Variants in IL1RAPL1 observed in about 807,000 individuals in gnomAD.
IL1RAPL1 encodes interleukin 1 receptor accessory protein like 1.
IL1RAPL1 carries 3 observed loss-of-function variants against 48.4 expected under a neutral mutation model. That is an observed-to-expected ratio of 0.06 (90% confidence interval 0.03 to 0.16). The LOEUF is 0.16. IL1RAPL1 is among the 10% of genes least tolerant of loss of function. The probability of loss-of-function intolerance (pLI) is 1.00; values close to 1 mark genes in which losing one functional copy is unlikely to be tolerated. For synonymous variants in IL1RAPL1, 185 were observed against 187.7 expected, an observed-to-expected ratio of 0.99 and a Z score of 0.12; for missense variants, 349 against 530.6, an observed-to-expected ratio of 0.66 and a Z score of 3.36.
At chrX:29,559,247 C>G (rs1922104831) in intron 5 of IL1RAPL1, among the ~76,000 whole-genome samples, 1 of 111,822 alleles carries the variant, frequency 8.9e-6, no homozygotes, top group Non-Finnish European at 1.9e-5. Context: ...AATTTTGCAT[C>G]TATGTTCATT....
chrX:29,558,237 G>T lies in IL1RAPL1; in HGVS notation c.704-110193G>T, dbSNP rs557788529. Among the ~76,000 whole-genome samples, 3 of 111,688 alleles carry T rather than the reference G, an allele frequency of 2.7e-5. No homozygotes were observed. In the South Asian group the frequency reaches 1.1e-3, roughly 42 times the overall value. The stretch of plus-strand genomic sequence containing the variant: ...TTTGATAATAGCCATTGTAACAGTT[G>T]TGCAGTGATATCTCATTGTGGTTTT... On this transcript the variant is annotated intron_variant, in intron 5 of 10. Coordinates refer to ENST00000378993, the MANE Select transcript of IL1RAPL1 (RefSeq NM_014271.4).
At chrX:29,079,898 A>G (rs1927762943) in intron 2 of IL1RAPL1, among the ~76,000 whole-genome samples, 1 of 111,276 alleles carries the variant, frequency 9.0e-6, no homozygotes, top group Admixed American at 9.6e-5. Context: ...CAAATAAATA[A>G]AAGTGACTTT....
At chrX:29,654,265 G>A (rs995598326) in intron 5 of IL1RAPL1, among the ~76,000 whole-genome samples, 4 of 111,395 alleles carry the variant, frequency 3.6e-5, no homozygotes, top group African/African-American at 1.3e-4. Context: ...TCATCTCCCA[G>A]TGCAGCCTAA....
intron 3 of IL1RAPL1, among the ~76,000 whole-genome samples, chrX:29,300,706 C>A (rs763489285): frequency 1.3e-4 from 14 of 111,999 alleles, no homozygotes; most frequent in African/African-American, 4.5e-4. Context: ...ATAGCTAGTA[C>A]AAAAGAATAA....
At chrX:29,539,841 T>G (rs1437782165) in intron 5 of IL1RAPL1, among the ~76,000 whole-genome samples, 1 of 111,310 alleles carries the variant, frequency 9.0e-6, no homozygotes, top group Non-Finnish European at 1.9e-5. Flanking sequence ...CTCTTTTCCT[T>G]ATAAATTACC....
chrX:29,076,967 G>T (rs991741531), intron 2 of IL1RAPL1, among the ~76,000 whole-genome samples: 2 of 112,354 alleles, frequency 1.8e-5, no homozygotes, highest in Admixed American at 9.4e-5. Context: ...ATTACTCTGG[G>T]TATTCCATGC....
At chrX:29,507,116 G>A (rs1167049752) in intron 5 of IL1RAPL1, among the ~76,000 whole-genome samples, 1 of 109,617 alleles carries the variant, frequency 9.1e-6, no homozygotes, top group Admixed American at 9.7e-5. Context: ...TAATCTCAGT[G>A]TTGTGCATTT....
intron 2 of IL1RAPL1, among the ~76,000 whole-genome samples, chrX:29,234,910 G>T (rs1931262665): frequency 8.9e-6 from 1 of 112,413 alleles, no homozygotes; most frequent in East Asian, 2.8e-4. Flanking sequence ...TATTATTTAT[G>T]ATTATAACAT....
At chrX:29,571,539 A>AATAG (rs1276524200) in intron 5 of IL1RAPL1, among the ~76,000 whole-genome samples, 2 of 111,713 alleles carry the variant, frequency 1.8e-5, no homozygotes, top group Non-Finnish European at 3.8e-5. Context: ...TTGCTCTTCT[A>AATAG]ATAGATGTCT....
chrX:29,227,277 T>G (rs917153067), intron 2 of IL1RAPL1, among the ~76,000 whole-genome samples: 4 of 109,954 alleles, frequency 3.6e-5, no homozygotes, highest in Non-Finnish European at 5.7e-5. Context: ...TAATAATTAA[T>G]TAGTAGTATT....
At chrX:29,624,192 T>C (rs1924548597) in intron 5 of IL1RAPL1, among the ~76,000 whole-genome samples, 1 of 112,012 alleles carries the variant, frequency 8.9e-6, no homozygotes, top group East Asian at 2.8e-4. Context: ...TGTTAATGCT[T>C]CGGATGGGCA....
intron 5 of IL1RAPL1, among the ~76,000 whole-genome samples, chrX:29,537,244 C>A (rs1921263479): frequency 9.1e-6 from 1 of 110,160 alleles, no homozygotes; most frequent in Non-Finnish European, 1.9e-5. Flanking sequence ...TTCATGGCAC[C>A]CTTTCTTAGA....
intron 1 of IL1RAPL1, among the ~76,000 whole-genome samples, chrX:28,729,955 TCAAAACAAAAAA>T (rs1332406311): frequency 9.0e-6 from 1 of 111,516 alleles, no homozygotes. Context: ...AAGATCCATC[TCAAAACAAAAAA>T]CAAAACAAAA....
At chrX:29,175,612 C>T (rs371011752) in intron 2 of IL1RAPL1, among the ~76,000 whole-genome samples, 1 of 109,260 alleles carries the variant, frequency 9.2e-6, no homozygotes, top group Non-Finnish European at 1.9e-5. Context: ...TTTGGGAGGC[C>T]GAGGCGGGAG....
At chrX:29,195,480 G>T (rs1327336843) in intron 2 of IL1RAPL1, among the ~76,000 whole-genome samples, 1 of 110,572 alleles carries the variant, frequency 9.0e-6, no homozygotes, top group Admixed American at 9.7e-5. Context: ...CTGTACTTGG[G>T]ATAAGTACTT....
intron 6 of IL1RAPL1, among the ~76,000 whole-genome samples, chrX:29,765,724 T>C (rs1026161101): frequency 1.8e-5 from 2 of 111,893 alleles, no homozygotes; most frequent in Non-Finnish European, 1.9e-5. Flanking sequence ...TCATTTTGCT[T>C]ATTGCAGGCA....
chrX:29,392,473 A>G (rs1448084876), intron 3 of IL1RAPL1, among the ~76,000 whole-genome samples: 1 of 112,624 alleles, frequency 8.9e-6, no homozygotes, highest in African/African-American at 3.2e-5. Flanking sequence ...CTTCTCAGTA[A>G]ATAGGACTAT....
At chrX:29,826,760 C>T (rs1467392228) in intron 6 of IL1RAPL1, among the ~76,000 whole-genome samples, 1 of 112,012 alleles carries the variant, frequency 8.9e-6, no homozygotes, top group Non-Finnish European at 1.9e-5. Context: ...TATGGATATA[C>T]TACATTTTGT....
chrX:29,071,768 A>G (rs2147441018), intron 2 of IL1RAPL1, among the ~76,000 whole-genome samples: 1 of 111,941 alleles, frequency 8.9e-6, no homozygotes, highest in Non-Finnish European at 1.9e-5. Context: ...AAGTCTCAGC[A>G]TAACATGCTG....
Sources: gnomAD v4.1 joint callset for allele counts (sites outside exome capture counted in the v4.1 genomes callset) on GRCh38, gnomAD v4.1.1 for gene constraint, MANE v1.5 for transcripts, NCBI Gene and HGNC (gene_info 2026-07-23, HGNC 2026-07-21) for gene names.